HS3ST5: variants seen among roughly 807,000 people sequenced by gnomAD.
HS3ST5 encodes the protein heparan sulfate glucosamine 3-O-sulfotransferase 5.
In HS3ST5, 10 loss-of-function variants were observed where a neutral mutation model predicts 25.4. That is an observed-to-expected ratio of 0.39 (90% CI 0.24 to 0.67). The LOEUF (loss-of-function observed/expected upper bound fraction) is 0.67. Ranked by LOEUF, HS3ST5 falls within the 30% of genes least tolerant of loss-of-function variation. The pLI is 0.44. For missense variants in HS3ST5, 324 were observed against 420.7 expected (o/e 0.77, Z 2.01); for synonymous variants, 170 against 162.4 (o/e 1.05, Z -0.36).
At chr6:114,242,280 A>G (rs980058492) in intron 1 of HS3ST5, among the ~76,000 whole-genome samples, 3 of 152,226 alleles carry the variant, frequency 2.0e-5, no homozygotes, top group Non-Finnish European at 2.9e-5. Flanking sequence ...ATATTATTAA[A>G]TTTAATTTTA....
chr6:114,227,212 A>G (rs1771340253), intron 2 of HS3ST5, among the ~76,000 whole-genome samples: 2 of 151,472 alleles, frequency 1.3e-5, no homozygotes, highest in Admixed American at 1.3e-4. Flanking sequence ...CTAATAGCTA[A>G]TATGTGCTAA....
At chr6:114,255,721 G>T (rs1459714159) in intron 1 of HS3ST5, among the ~76,000 whole-genome samples, 5 of 146,758 alleles carry the variant, frequency 3.4e-5, no homozygotes, top group Admixed American at 3.3e-4. Context: ...CCAAGGCTTG[G>T]GGCTTACACC....
At chr6:114,201,611 C>G (rs1298711697) in intron 2 of HS3ST5, among the ~76,000 whole-genome samples, 2 of 152,174 alleles carry the variant, frequency 1.3e-5, no homozygotes, top group African/African-American at 4.8e-5. Context: ...GCATTCCTCA[C>G]GTTCTTCAAG....
At chr6:114,313,419 T>A (rs1236554359) in intron 1 of HS3ST5, among the ~76,000 whole-genome samples, 1 of 152,186 alleles carries the variant, frequency 6.6e-6, no homozygotes, top group African/African-American at 2.4e-5. Context: ...ATAATAGCCC[T>A]AAACTGTAAT....
intron 3 of HS3ST5, among the ~76,000 whole-genome samples, chr6:114,104,920 ATACCAGTCATCT>A (rs1165423778): frequency 6.6e-6 from 1 of 152,122 alleles, no homozygotes; most frequent in Non-Finnish European, 1.5e-5. Context: ...GTGCTCTGGG[ATACCAGTCATCT>A]TTGCGGTTTA....
chr6:114,223,539 C>G lies in HS3ST5; in HGVS notation c.-145+5046G>C, dbSNP rs1782138616. On this transcript the variant is annotated intron_variant, in intron 2 of 4. Transcript: ENST00000312719. ...TTCCTAAATTGAAGAAGAATTTCTG[C>G]TCAGCAGAAACCTCTTGACTGCAGA... 2.6e-5 allele frequency among the ~76,000 whole-genome samples: 4 copies of G among 151,780 alleles called. No homozygotes were observed. In the South Asian group the frequency reaches 6.2e-4, roughly 24 times the overall value.
intron 1 of HS3ST5, among the ~76,000 whole-genome samples, chr6:114,265,076 G>A (rs1247837373): frequency 6.6e-6 from 1 of 151,966 alleles, no homozygotes; most frequent in Non-Finnish European, 1.5e-5. Context: ...GTAGAGATGG[G>A]GTCTTGCTGT....
chr6:114,215,277 G>A (rs911185640), intron 2 of HS3ST5, among the ~76,000 whole-genome samples: 8 of 152,258 alleles, frequency 5.3e-5, no homozygotes, highest in Admixed American at 5.2e-4. Flanking sequence ...CTGCACTCCA[G>A]CCTGGGTGAC....
intron 3 of HS3ST5, among the ~76,000 whole-genome samples, chr6:114,166,469 A>C (rs1056752598): frequency 1.3e-5 from 2 of 152,196 alleles, no homozygotes; most frequent in Non-Finnish European, 2.9e-5. Flanking sequence ...AAATTCTCCA[A>C]AACAATTTCA....
intron 2 of HS3ST5, among the ~76,000 whole-genome samples, chr6:114,223,630 T>C (rs1236369934): frequency 6.6e-6 from 1 of 151,758 alleles, no homozygotes; most frequent in East Asian, 1.9e-4. Context: ...AAACATTCCA[T>C]TTTTCTTCAA....
At chr6:114,111,410 C>T (rs542562216) in intron 3 of HS3ST5, among the ~76,000 whole-genome samples, 2 of 152,334 alleles carry the variant, frequency 1.3e-5, no homozygotes, top group Non-Finnish European at 2.9e-5. Context: ...AACTCTACCA[C>T]ACTTTAGTGG....
intron 1 of HS3ST5, among the ~76,000 whole-genome samples, chr6:114,262,364 G>A (rs568865565): frequency 6.6e-6 from 1 of 152,136 alleles, no homozygotes; most frequent in Non-Finnish European, 1.5e-5. Context: ...TGGCTAACAT[G>A]GTGAAATCCC....
chr6:114,338,935 C>G (rs1429295410), intron 1 of HS3ST5, among the ~76,000 whole-genome samples: 1 of 151,850 alleles, frequency 6.6e-6, no homozygotes, highest in Non-Finnish European at 1.5e-5. Context: ...TTTGAGCTCC[C>G]CTCACCAAAA....
At chr6:114,224,695 T>TACACACAC (rs538572462) in intron 2 of HS3ST5, among the ~76,000 whole-genome samples, 17 of 105,374 alleles carry the variant, frequency 1.6e-4, no homozygotes, top group African/African-American at 3.6e-4. Context: ...TACATATATA[T>TACACACAC]ATATACACAC....
chr6:114,162,319 GT>G (rs1285153638), intron 3 of HS3ST5, among the ~76,000 whole-genome samples: 6 of 152,074 alleles, frequency 3.9e-5, no homozygotes, highest in Non-Finnish European at 8.8e-5. Flanking sequence ...TAAAATTAGT[GT>G]ATTTTGTCTG....
Position 114,057,164 on chromosome 6 carries a change from G to T in HS3ST5, c.*93C>A. 2.3e-6 allele frequency: 2 copies of T among 862,654 alleles called. No homozygotes were observed. The highest frequency in any genetic ancestry group is 1.8e-6 in the Non-Finnish European group (1 of 541,722). 53.4% of individuals were successfully genotyped at this position (862,654 alleles called of 1,614,324 possible). ...ACAAATATACATGGAAAAATGACTT[G>T]GATAGCTCTGCCTAGGAAAAGTGCA... On this transcript the variant is annotated 3_prime_UTR_variant, in exon 5 of 5. Coordinates refer to ENST00000312719, the MANE Select transcript of HS3ST5 (RefSeq NM_153612.4).
At chr6:114,196,432 T>C (rs914448812) in intron 2 of HS3ST5, among the ~76,000 whole-genome samples, 2 of 152,164 alleles carry the variant, frequency 1.3e-5, no homozygotes, top group African/African-American at 2.4e-5. Flanking sequence ...AGTGGGGCTT[T>C]TGTAAAAGAA....
At chr6:114,296,278 A>C (rs867513619) in intron 1 of HS3ST5, among the ~76,000 whole-genome samples, 10 of 152,306 alleles carry the variant, frequency 6.6e-5, no homozygotes, top group African/African-American at 1.4e-4. Context: ...ACGTCATAGA[A>C]GTAATCAGAC....
intron 4 of HS3ST5, chr6:114,058,669 T>A (rs1451258300): frequency 1.3e-5 from 2 of 155,170 alleles, no homozygotes; most frequent in African/African-American, 4.8e-5. Context: ...ATCTTTGAGA[T>A]ATAATCTGAA....
Sources: allele counts gnomAD v4.1 joint callset (sites outside exome capture counted in the v4.1 genomes callset), GRCh38; gene constraint gnomAD v4.1.1; transcripts MANE v1.5; gene names NCBI Gene and HGNC (gene_info 2026-07-23, HGNC 2026-07-21).